Variants in LOXHD1 observed in about 807,000 individuals in gnomAD.
LOXHD1 encodes lipoxygenase homology domain-containing protein 1.
LOXHD1 carries 205 observed loss-of-function variants against 248.2 expected under a neutral mutation model. That is an observed-to-expected ratio of 0.83 (90% confidence interval 0.74 to 0.93). LOXHD1 has a LOEUF of 0.93. Among genes scored for constraint, LOXHD1 ranks in the 40% least tolerant of loss-of-function variants. The pLI is 0.00. For synonymous variants in LOXHD1, 1,113 were observed against 1,162.8 expected, an observed-to-expected ratio of 0.96 and a Z score of 0.87; for missense variants, 2,930 against 2,971.6, an observed-to-expected ratio of 0.99 and a Z score of 0.33.
intron 37 of LOXHD1, among the ~76,000 whole-genome samples, chr18:46,490,064 T>C (rs948630457): frequency 6.6e-6 from 1 of 152,248 alleles, no homozygotes; most frequent in Non-Finnish European, 1.5e-5. Flanking sequence ...ATGGTGTAAA[T>C]AGCATGCATG....
chr18:46,619,356 G>A (rs2038636024), intron 4 of LOXHD1, among the ~76,000 whole-genome samples: 1 of 152,176 alleles, frequency 6.6e-6, no homozygotes, highest in South Asian at 2.1e-4. Flanking sequence ...GGCCCTTAGA[G>A]GTTTTTCTCT....
intron 6 of LOXHD1, among the ~76,000 whole-genome samples, chr18:46,608,592 C>T (rs190272166): frequency 1.3e-5 from 2 of 152,172 alleles, no homozygotes; most frequent in African/African-American, 2.4e-5. Flanking sequence ...CTCCTCTCCC[C>T]GCTTTGCCCA....
At chr18:46,619,142 C>T (rs2144330302) in intron 4 of LOXHD1, among the ~76,000 whole-genome samples, 1 of 152,332 alleles carries the variant, frequency 6.6e-6, no homozygotes, top group East Asian at 1.9e-4. Context: ...TGGGTGCCAA[C>T]AATTCCAAGG....
rs1453833384 is a variant in LOXHD1, at chr18:46,559,575, G to C, written c.3089C>G (p.Thr1030Arg). Residue 1030 changes from threonine to arginine, a missense_variant, in exon 20 of 41, where the codon ACG (threonine) becomes AGG (arginine). Transcript: ENST00000642948. ...AGTGCCGGCCTTGGGCACATTCCCC[G>C]TGACCACCTGAACCTCATAGGTGTT... ...ERNTYEVQVVTGNVPKAGTDA... is the reference protein window; with the variant it reads ...ERNTYEVQVVRGNVPKAGTDA... 23 of 1,551,698 alleles carry C rather than the reference G, an allele frequency of 1.5e-5. No homozygotes were observed. Among genetic ancestry groups the C allele is most frequent in the Non-Finnish European group, 1.9e-5 (22 of 1,147,026 alleles).
chr18:46,530,810 A>G, intron 28 of LOXHD1, among the ~76,000 whole-genome samples: 1 of 151,598 alleles, frequency 6.6e-6, no homozygotes, highest in South Asian at 2.1e-4. Flanking sequence ...GTGGCTGGAC[A>G]CTCCTTCATG....
At chr18:46,573,510 A>G (rs572216772) in intron 14 of LOXHD1, among the ~76,000 whole-genome samples, 31 of 152,128 alleles carry the variant, frequency 2.0e-4, no homozygotes, top group Non-Finnish European at 3.7e-4. Flanking sequence ...CCATTTGTCT[A>G]TGTCTTGGTA....
At chr18:46,625,504 A>G (rs2038729466) in intron 4 of LOXHD1, among the ~76,000 whole-genome samples, 1 of 152,138 alleles carries the variant, frequency 6.6e-6, no homozygotes, top group African/African-American at 2.4e-5. Flanking sequence ...CTAAAAAAAA[A>G]AAAAAATTGC....
At chr18:46,606,749 A>C (rs892841067) in intron 6 of LOXHD1, among the ~76,000 whole-genome samples, 1 of 152,206 alleles carries the variant, frequency 6.6e-6, no homozygotes, top group Non-Finnish European at 1.5e-5. Flanking sequence ...TATATTACAT[A>C]ATATACAGTA....
intron 12 of LOXHD1, among the ~76,000 whole-genome samples, chr18:46,586,200 T>C (rs1357925256): frequency 6.6e-6 from 1 of 152,184 alleles, no homozygotes; most frequent in Admixed American, 6.5e-5. Context: ...ATTAGGCCAA[T>C]CTGTGGAGAC....
In LOXHD1 at chr18:46,522,083, GC is replaced by G; in HGVS notation, c.5085+17del. 6.5e-7 allele frequency: 1 copy of G among 1,540,132 alleles called. No homozygotes were observed. The highest frequency in any genetic ancestry group is 8.8e-7 in the Non-Finnish European group (1 of 1,142,324). On this transcript the variant is annotated intron_variant, in intron 32 of 40. Transcript: ENST00000642948. ...TCCCTAGGGTGGTCACTATCATGGG[GC>G]CCCGAGAAGCCAGCACCTCTATTTT...
At chr18:46,492,790 T>A (rs1314688748) in intron 37 of LOXHD1, among the ~76,000 whole-genome samples, 1 of 152,206 alleles carries the variant, frequency 6.6e-6, no homozygotes. Flanking sequence ...AAATACGGAC[T>A]CATTCTTTTT....
chr18:46,624,561 C>T (rs1180945076), intron 4 of LOXHD1, among the ~76,000 whole-genome samples: 1 of 152,230 alleles, frequency 6.6e-6, no homozygotes, highest in African/African-American at 2.4e-5. Context: ...AAGGTTTCCT[C>T]TTCCTTCGTC....
rs1319048810 is a variant in LOXHD1, at chr18:46,593,757, A to C, written c.1274T>G (p.Phe425Cys). The C allele has an allele frequency of 6.4e-7, 1 of 1,551,802 alleles. No homozygotes were observed. Among genetic ancestry groups the C allele is most frequent in the East Asian group, 2.4e-5 (1 of 40,908 alleles). The change falls in exon 10 of 41, where the codon TTC (phenylalanine) becomes TGC (cysteine). Residue 425 changes from phenylalanine to cysteine, a missense_variant. Coordinates refer to ENST00000642948, the MANE Select transcript of LOXHD1 (RefSeq NM_001384474.1). ...TGTCCAGACCCACAGGGACCAAGGG[A>C]ATTCTGTAAGACAGATCAAGTTGCA... Reference protein sequence around the residue: ...VSLRKKRLKKFPWSLWVWTTD... With the variant: ...VSLRKKRLKKCPWSLWVWTTD...
rs779990145 is a variant in LOXHD1, at chr18:46,541,760, C to T, written c.3913+16G>A. 2.8e-5 allele frequency: 43 copies of T among 1,551,374 alleles called. No homozygotes were observed. The highest frequency in any genetic ancestry group is 3.7e-5 in the Non-Finnish European group (42 of 1,146,882). On this transcript the variant is annotated intron_variant, in intron 25 of 40. Coordinates refer to ENST00000642948, the MANE Select transcript of LOXHD1 (RefSeq NM_001384474.1). ...GGCCCCAGAGAAGGGCTGGCCTTGCCGTGTGTGGTTCCTACATGGTGTGTA... is the reference window on the plus strand; with the variant it reads ...GGCCCCAGAGAAGGGCTGGCCTTGCTGTGTGTGGTTCCTACATGGTGTGTA...
Position 46,542,731 on chromosome 18 carries a change from G to A in LOXHD1, c.3744C>T (p.Asn1248=), listed in dbSNP as rs927933763. The A allele has an allele frequency of 5.2e-6, 8 of 1,551,666 alleles. No homozygotes were observed. Among genetic ancestry groups the A allele is most frequent in the Non-Finnish European group, 7.0e-6 (8 of 1,147,000 alleles). The stretch of plus-strand genomic sequence containing the variant: ...CAGAGGGGAGGGAAGCCACACCTGT[G>A]TTGTCATGGCCAAGCCGGACTTTCC... The part of the protein sequence containing the change: ...DLWKVRLGHD[N]TGKAPGWFVD... Residue 1248 remains asparagine, a synonymous_variant, in exon 24 of 41, where the codon AAC becomes AAT. Transcript: ENST00000642948.
rs1380580488 is a variant in LOXHD1 at position 46,600,580 on chromosome 18, A to G, written c.1134+637T>C. Among the ~76,000 whole-genome samples the G allele has an allele frequency of 1.8e-4, 25 of 138,704 alleles. No homozygotes were observed. In the Admixed American group the frequency reaches 1.8e-3, roughly 10 times the overall value. The allele number at this position is 138,704 out of a possible 152,430, so 91.0% of individuals were successfully genotyped here. On this transcript the variant is annotated intron_variant, in intron 8 of 40. Coordinates refer to ENST00000642948, the MANE Select transcript of LOXHD1 (RefSeq NM_001384474.1). ...GCCATTGCACTCCAGCCTGGGTGACAGAAGTGAAACTCTGTCCAAAAAAAA... is the reference window on the plus strand; with the variant it reads ...GCCATTGCACTCCAGCCTGGGTGACGGAAGTGAAACTCTGTCCAAAAAAAA...
intron 40 of LOXHD1, among the ~76,000 whole-genome samples, chr18:46,478,202 T>C (rs995918035): frequency 3.9e-5 from 6 of 152,192 alleles, no homozygotes; most frequent in African/African-American, 1.4e-4. Flanking sequence ...TCATACTCCA[T>C]GTCCAATCCA....
chr18:46,635,717 C>G (rs2038884437), intron 4 of LOXHD1, among the ~76,000 whole-genome samples: 1 of 152,092 alleles, frequency 6.6e-6, no homozygotes, highest in African/African-American at 2.4e-5. Context: ...CAAATGATAA[C>G]AGTTTTTTAT....
At chr18:46,655,512 G>T (rs911761663) in intron 1 of LOXHD1, among the ~76,000 whole-genome samples, 1 of 152,222 alleles carries the variant, frequency 6.6e-6, no homozygotes, top group Non-Finnish European at 1.5e-5. Flanking sequence ...TGGGGATGCT[G>T]CCCTGATGTC....
Sources: gnomAD v4.1 joint callset for allele counts (sites outside exome capture counted in the v4.1 genomes callset) on GRCh38, gnomAD v4.1.1 for gene constraint, MANE v1.5 for transcripts, NCBI Gene and HGNC (gene_info 2026-07-23, HGNC 2026-07-21) for gene names.